Variants in NAV2 observed in about 807,000 individuals in gnomAD.
NAV2 encodes helicase, APC down-regulated 1.
In NAV2, 54 loss-of-function variants were observed where a neutral mutation model predicts 223.2. That is an observed-to-expected ratio of 0.24 (90% CI 0.19 to 0.30). The LOEUF (loss-of-function observed/expected upper bound fraction) is 0.30, where lower values mean the gene tolerates loss of function less well. NAV2 is among the 10% of genes least tolerant of loss of function. NAV2 has a pLI of 1.00. For synonymous variants in NAV2, 1,279 were observed against 1,239.3 expected, an observed-to-expected ratio of 1.03 and a Z score of -0.67; for missense variants, 2,806 against 3,147.5, an observed-to-expected ratio of 0.89 and a Z score of 2.60.
chr11:19,756,468 G>A (rs932180450), intron 1 of NAV2, among the ~76,000 whole-genome samples: 9 of 152,120 alleles, frequency 5.9e-5, no homozygotes, highest in Non-Finnish European at 1.3e-4. Flanking sequence ...TGCGCGCAAG[G>A]GGCAGTCATG....
chr11:19,372,911 A>G (rs1174245295), intron 1 of NAV2, among the ~76,000 whole-genome samples: 2 of 152,204 alleles, frequency 1.3e-5, no homozygotes, highest in Admixed American at 1.3e-4. Context: ...AGATGGGAGA[A>G]TATTGTTTCT....
At chr11:19,484,131 C>CACACACAA (rs1302799318) in intron 1 of NAV2, among the ~76,000 whole-genome samples, 6 of 149,924 alleles carry the variant, frequency 4.0e-5, no homozygotes, top group Non-Finnish European at 7.4e-5. Flanking sequence ...ATCACAAACA[C>CACACACAA]ACACACACAC....
intron 1 of NAV2, among the ~76,000 whole-genome samples, chr11:19,647,051 C>T (rs764707779): frequency 4.1e-4 from 63 of 152,226 alleles, no homozygotes; most frequent in Admixed American, 6.5e-4. Flanking sequence ...GAGTAAGAGA[C>T]GACACTTTTT....
intron 1 of NAV2, among the ~76,000 whole-genome samples, chr11:19,803,326 T>C (rs1454363712): frequency 1.3e-5 from 2 of 152,206 alleles, no homozygotes; most frequent in African/African-American, 4.8e-5. Context: ...AGATACTCCC[T>C]CTGGTGAGTA....
chr11:19,591,046 T>G (rs1778517785), intron 1 of NAV2: 1 of 152,214 alleles, frequency 6.6e-6, no homozygotes. Context: ...GCAGTTGAAT[T>G]GTAGAAAGCA....
chr11:19,614,026 T>C (rs1195840012), intron 1 of NAV2, among the ~76,000 whole-genome samples: 1 of 152,186 alleles, frequency 6.6e-6, no homozygotes, highest in Non-Finnish European at 1.5e-5. Flanking sequence ...AAGGGTGAGC[T>C]TCCTTCCTTC....
At chr11:19,992,692 A>T (rs1385851050) in intron 11 of NAV2, among the ~76,000 whole-genome samples, 1 of 148,110 alleles carries the variant, frequency 6.8e-6, no homozygotes, top group Non-Finnish European at 1.5e-5. Context: ...GGTTCAAGCG[A>T]TTCTTCTGCC....
At position 19,377,654 on chromosome 11, in the gene NAV2, G is replaced by A. The variant is rs1042527363; in HGVS notation, c.75+26627G>A. 2.8e-5 allele frequency among the ~76,000 whole-genome samples: 4 copies of A among 145,388 alleles called. No homozygotes were observed. The Admixed American group carries it at 2.8e-4, about 10-fold the overall frequency. ...ACTTGGCTTGATTATAGGTCTTCAG[G>A]TTGAAGGAGATTTCCAACCTGAATG... On this transcript the variant is annotated intron_variant, in intron 1 of 37. Transcript: ENST00000360655.
intron 1 of NAV2, among the ~76,000 whole-genome samples, chr11:19,356,645 C>G (rs1017757496): frequency 1.3e-5 from 2 of 152,158 alleles, no homozygotes; most frequent in Non-Finnish European, 2.9e-5. Flanking sequence ...AAATAAGCAG[C>G]TCACAGGGGA....
chr11:19,437,232 T>C (rs1302335492), intron 1 of NAV2, among the ~76,000 whole-genome samples: 3 of 152,200 alleles, frequency 2.0e-5, no homozygotes, highest in Admixed American at 6.5e-5. Context: ...AGTTTCTGAT[T>C]ACTTAAGGCT....
rs1035016699 is a variant in NAV2, at chr11:20,119,069, T to G, written c.*811T>G. The G allele has an allele frequency of 9.9e-5, 15 of 151,948 alleles. No homozygotes were observed. The highest frequency in any genetic ancestry group is 2.9e-4 in the African/African-American group (12 of 41,368). 9.4% of individuals were successfully genotyped at this position (151,948 alleles called of 1,614,324 possible). The stretch of plus-strand genomic sequence containing the variant: ...CTGATATATGAATGAATCAGGTTTT[T>G]TTTTTTTTTTTTCTGCAAACACTGT... On this transcript the variant is annotated 3_prime_UTR_variant, in exon 38 of 38. Transcript: ENST00000349880.
chr11:19,760,218 G>T (rs1473710197), intron 1 of NAV2: 2 of 152,186 alleles, frequency 1.3e-5, no homozygotes, highest in Non-Finnish European at 2.9e-5. Flanking sequence ...GCTCCTCTGA[G>T]AGGCAGGCTG....
chr11:19,916,344 C>A (rs1187229815), intron 6 of NAV2, among the ~76,000 whole-genome samples: 1 of 151,986 alleles, frequency 6.6e-6, no homozygotes, highest in African/African-American at 2.4e-5. Context: ...TTCAGTTAGA[C>A]CCAATTTTAC....
chr11:19,710,171 G>T (rs1360774894), upstream of NAV2, among the ~76,000 whole-genome samples: 1 of 152,166 alleles, frequency 6.6e-6, no homozygotes, highest in African/African-American at 2.4e-5. Flanking sequence ...ACCCATAGCA[G>T]ACATTATCAA....
intron 1 of NAV2, among the ~76,000 whole-genome samples, chr11:19,787,705 C>T (rs1310928505): frequency 1.3e-5 from 2 of 152,134 alleles, no homozygotes; most frequent in African/African-American, 2.4e-5. Context: ...GTTACCTCCT[C>T]TGAATTCAGA....
chr11:19,875,503 G>T (rs1423869657), intron 4 of NAV2, among the ~76,000 whole-genome samples: 2 of 152,196 alleles, frequency 1.3e-5, no homozygotes, highest in Admixed American at 6.5e-5. Context: ...TAGTGAAGGT[G>T]AAAAATTGTA....
chr11:19,591,981 C>A (rs1301049257), intron 1 of NAV2, among the ~76,000 whole-genome samples: 1 of 152,176 alleles, frequency 6.6e-6, no homozygotes, highest in Admixed American at 6.5e-5. Flanking sequence ...AGGAGACAAG[C>A]CCCATCTACA....
chr11:19,392,702 G>A (rs1180263527), intron 1 of NAV2, among the ~76,000 whole-genome samples: 7 of 152,128 alleles, frequency 4.6e-5, no homozygotes, highest in African/African-American at 1.7e-4. Flanking sequence ...TAACGGGGAG[G>A]GATATTAGAC....
At chr11:19,582,990 TG>T (rs2045772151) in intron 1 of NAV2, among the ~76,000 whole-genome samples, 1 of 152,234 alleles carries the variant, frequency 6.6e-6, no homozygotes, top group South Asian at 2.1e-4. Flanking sequence ...TTCACGATAT[TG>T]ATTCTTCCTA....
Sources: gnomAD v4.1 joint callset for allele counts (sites outside exome capture counted in the v4.1 genomes callset) on GRCh38, gnomAD v4.1.1 for gene constraint, MANE v1.5 for transcripts, NCBI Gene and HGNC (gene_info 2026-07-23, HGNC 2026-07-21) for gene names.